Variants in CNTNAP5 observed in about 807,000 individuals in gnomAD.
CNTNAP5 encodes contactin-associated protein-like 5.
In CNTNAP5, 72 loss-of-function variants were observed where a neutral mutation model predicts 150.2. The ratio of observed to expected loss-of-function variants is 0.48; its 90% confidence interval spans 0.40 to 0.58. CNTNAP5 has a LOEUF of 0.58. CNTNAP5 is among the 20% of genes least tolerant of loss of function. CNTNAP5 has a pLI of 0.00. For synonymous variants in CNTNAP5, 672 were observed against 619.8 expected (o/e 1.08, Z -1.25); for missense variants, 1,636 against 1,626.2 (o/e 1.01, Z -0.10).
chr2:124,308,686 T>C (rs1688749271), intron 3 of CNTNAP5, among the ~76,000 whole-genome samples: 1 of 152,202 alleles, frequency 6.6e-6, no homozygotes, highest in African/African-American at 2.4e-5. Context: ...CTAAATGAAG[T>C]ATCAGGTGTT....
intron 19 of CNTNAP5, among the ~76,000 whole-genome samples, chr2:124,857,825 G>GA (rs35519548): frequency 1.3e-4 from 20 of 149,340 alleles, no homozygotes; most frequent in Admixed American, 5.3e-4. Context: ...GACACTTCAT[G>GA]AAAAAAAAAC....
At chr2:124,883,726 G>C (rs74480737) in intron 21 of CNTNAP5, among the ~76,000 whole-genome samples, 21 of 152,006 alleles carry the variant, frequency 1.4e-4, no homozygotes, top group Non-Finnish European at 7.4e-5. Context: ...ATATTCGTGC[G>C]TGGGTTTGTA....
At chr2:124,733,804 C>A (rs1046645030) in intron 13 of CNTNAP5, among the ~76,000 whole-genome samples, 2 of 152,090 alleles carry the variant, frequency 1.3e-5, no homozygotes, top group Non-Finnish European at 2.9e-5. Flanking sequence ...CAGTGATGTG[C>A]AGGCAGGACA....
At chr2:124,616,825 G>T (rs191548629) in intron 12 of CNTNAP5, among the ~76,000 whole-genome samples, 30 of 152,234 alleles carry the variant, frequency 2.0e-4, no homozygotes, top group African/African-American at 7.2e-4. Flanking sequence ...GGCCTAAGGA[G>T]AAGGAAAGAG....
In CNTNAP5 at chr2:124,506,127, G is replaced by T. The variant is rs113883567; in HGVS notation, c.1327+1571G>T. ...TTGAGTATTGCAACCTGGGAATATA[G>T]ATTCAGGTTGCCCTGAATGTATATT... On this transcript the variant is annotated intron_variant, in intron 8 of 23. Transcript: ENST00000682447. Among the ~76,000 whole-genome samples the T allele has an allele frequency of 4.4e-3, 646 of 147,976 alleles. 2 individuals carry two copies. Among genetic ancestry groups the T allele is most frequent in the African/African-American group, 0.015 (612 of 40,190 alleles).
At chr2:124,145,834 A>AT (rs1558773954) in intron 1 of CNTNAP5, among the ~76,000 whole-genome samples, 1,171 of 19,688 alleles carry the variant, frequency 0.059, 27 homozygotes, top group African/African-American at 0.15. Context: ...AAAAAGAAGA[A>AT]AAAAAAAAAA....
chr2:124,527,352 G>T lies in CNTNAP5; in HGVS notation c.1545G>T (p.Arg515Ser), dbSNP rs370352419. Residue 515 changes from arginine (R) to serine (S), a missense_variant, in exon 10 of 24, where the codon AGG (arginine) becomes AGT (serine). By Grantham distance (110) the Arg-to-Ser change is moderately radical. Coordinates refer to ENST00000682447, the MANE Select transcript of CNTNAP5 (RefSeq NM_001367498.1). ...TTAAGGCTTTCCAAGGCTGCATGAG[G>T]CTCATCTTTATTGATAACCAGCCCA... ...NPIKAFQGCMRLIFIDNQPKD... is the reference protein window; with the variant it reads ...NPIKAFQGCMSLIFIDNQPKD... 6.2e-7 allele frequency: 1 copy of T among 1,613,594 alleles called. No individual in the cohort carries two copies. Among genetic ancestry groups the T allele is most frequent in the South Asian group, 1.1e-5 (1 of 91,072 alleles).
chr2:124,389,211 A>G lies in CNTNAP5; in HGVS notation c.382-28232A>G, dbSNP rs150878305. Among the ~76,000 whole-genome samples the G allele has an allele frequency of 5.9e-5, 9 of 152,352 alleles. No homozygotes were observed. The East Asian group carries it at 1.7e-3, about 29-fold the overall frequency. On this transcript the variant is annotated intron_variant, in intron 3 of 23. Transcript: ENST00000682447. ...TGCAAATAGAGAGTTTAAAAAGCTA[A>G]TAAAGTGTTTTGTTTGAAAAAAAAT...
At chr2:124,499,636 TC>T (rs1694232864) in intron 7 of CNTNAP5, among the ~76,000 whole-genome samples, 1 of 152,214 alleles carries the variant, frequency 6.6e-6, no homozygotes, top group African/African-American at 2.4e-5. Flanking sequence ...ATCTGTGCTT[TC>T]CTGTTTGAAA....
chr2:124,573,046 T>A (rs892714884), intron 11 of CNTNAP5, among the ~76,000 whole-genome samples: 1 of 152,224 alleles, frequency 6.6e-6, no homozygotes, highest in Non-Finnish European at 1.5e-5. Context: ...TAAACATTCT[T>A]TTATGGCCAA....
intron 1 of CNTNAP5, among the ~76,000 whole-genome samples, chr2:124,116,285 G>T (rs1683427315): frequency 6.6e-6 from 1 of 152,146 alleles, no homozygotes; most frequent in African/African-American, 2.4e-5. Context: ...AGTTAGGAGG[G>T]ATGTATACAA....
intron 1 of CNTNAP5, among the ~76,000 whole-genome samples, chr2:124,212,824 T>A (rs973344188): frequency 5.2e-5 from 7 of 134,422 alleles, no homozygotes; most frequent in Non-Finnish European, 3.2e-5. Flanking sequence ...CATGTGTAGA[T>A]AAATCTTTTT....
chr2:124,898,599 A>G (rs1277596121), intron 21 of CNTNAP5, among the ~76,000 whole-genome samples: 1 of 151,662 alleles, frequency 6.6e-6, no homozygotes, highest in African/African-American at 2.4e-5. Flanking sequence ...CAAATTTTAA[A>G]TGCCCAAAAA....
chr2:124,344,288 T>C (rs1689686663), intron 3 of CNTNAP5, among the ~76,000 whole-genome samples: 1 of 151,936 alleles, frequency 6.6e-6, no homozygotes, highest in Non-Finnish European at 1.5e-5. Flanking sequence ...CAGCACCAAC[T>C]CAAAAGTCCA....
At chr2:124,206,208 C>A (rs1685858982) in intron 1 of CNTNAP5, among the ~76,000 whole-genome samples, 1 of 152,278 alleles carries the variant, frequency 6.6e-6, no homozygotes, top group East Asian at 1.9e-4. Context: ...TGACCTTGAG[C>A]AAGTTACTTA....
chr2:124,901,235 G>A (rs1266078605), intron 21 of CNTNAP5, among the ~76,000 whole-genome samples: 1 of 151,546 alleles, frequency 6.6e-6, no homozygotes, highest in Non-Finnish European at 1.5e-5. Context: ...GCACAAAGAT[G>A]TCTGTGTCCT....
intron 13 of CNTNAP5, among the ~76,000 whole-genome samples, chr2:124,688,621 A>C (rs1166056823): frequency 6.6e-6 from 1 of 152,130 alleles, no homozygotes; most frequent in Non-Finnish European, 1.5e-5. Flanking sequence ...GATTGGAAAT[A>C]CTATGAGGCT....
rs139562660 is a variant in CNTNAP5 at position 124,577,732 on chromosome 2, G to A, written c.1756+14409G>A. ...CCAAACAAGGAGAAGGAGATGAGCCGTAAAGGGAAGGGATGCTGGATAATG... is the reference window on the plus strand; with the variant it reads ...CCAAACAAGGAGAAGGAGATGAGCCATAAAGGGAAGGGATGCTGGATAATG... On this transcript the variant is annotated intron_variant, in intron 11 of 23. Transcript: ENST00000682447. 5.3e-5 allele frequency among the ~76,000 whole-genome samples: 8 copies of A among 152,286 alleles called. No homozygotes were observed. The East Asian group carries it at 5.8e-4, about 11-fold the overall frequency.
chr2:124,278,282 G>A (rs1687932479), intron 3 of CNTNAP5, among the ~76,000 whole-genome samples: 1 of 151,938 alleles, frequency 6.6e-6, no homozygotes, highest in African/African-American at 2.4e-5. Flanking sequence ...TCTACCAAAA[G>A]AATAACAAAT....
Sources: allele counts gnomAD v4.1 joint callset (sites outside exome capture counted in the v4.1 genomes callset), GRCh38; gene constraint gnomAD v4.1.1; transcripts MANE v1.5; gene names NCBI Gene and HGNC (gene_info 2026-07-23, HGNC 2026-07-21).